The following PTPN9 variants were observed in gnomAD, a reference collection of about 807,000 sequenced individuals.
PTPN9 encodes tyrosine-protein phosphatase non-receptor type 9.
In PTPN9, 26 loss-of-function variants were observed where a neutral mutation model predicts 69.8. That is an observed-to-expected ratio of 0.37 (90% confidence interval 0.27 to 0.52). The LOEUF (loss-of-function observed/expected upper bound fraction) is 0.52. PTPN9 is among the 20% of genes least tolerant of loss of function. The pLI, the probability that PTPN9 is intolerant of heterozygous loss-of-function variation, is 0.91. For synonymous variants in PTPN9, 274 were observed against 272.5 expected (o/e 1.01, Z -0.05); for missense variants, 549 against 740.3 (o/e 0.74, Z 3.00).
At chr15:75,509,959 G>C (rs1159911083) in intron 5 of PTPN9, among the ~76,000 whole-genome samples, 3 of 152,126 alleles carry the variant, frequency 2.0e-5, no homozygotes, top group Non-Finnish European at 4.4e-5. Flanking sequence ...ACTCCAGCCT[G>C]GGCGACAAGA....
intron 1 of PTPN9, among the ~76,000 whole-genome samples, chr15:75,541,841 A>G (rs1041855827): frequency 6.6e-6 from 1 of 151,574 alleles, no homozygotes; most frequent in African/African-American, 2.4e-5. Flanking sequence ...TGAGATTGAG[A>G]CCATCCTGGA....
At chr15:75,532,075 A>G (rs1382051837) in intron 1 of PTPN9, among the ~76,000 whole-genome samples, 1 of 152,068 alleles carries the variant, frequency 6.6e-6, no homozygotes, top group African/African-American at 2.4e-5. Flanking sequence ...GGTGATATGA[A>G]CTCATCACAT....
chr15:75,574,056 C>T (rs954935557), intron 1 of PTPN9, among the ~76,000 whole-genome samples: 1 of 152,078 alleles, frequency 6.6e-6, no homozygotes, highest in African/African-American at 2.4e-5. Flanking sequence ...GTGCATGGAG[C>T]AGAGACAAGT....
chr15:75,504,845 G>T (rs2074808276), intron 7 of PTPN9, among the ~76,000 whole-genome samples: 1 of 126,176 alleles, frequency 7.9e-6, no homozygotes, highest in Non-Finnish European at 1.6e-5. Context: ...CCGGGAGGGA[G>T]GTGGGGGGGT....
intron 1 of PTPN9, among the ~76,000 whole-genome samples, chr15:75,538,570 G>A (rs548528327): frequency 1.3e-5 from 2 of 152,024 alleles, no homozygotes; most frequent in South Asian, 2.1e-4. Context: ...GATGGCACAC[G>A]CCTACAGTCC....
intron 1 of PTPN9, among the ~76,000 whole-genome samples, chr15:75,550,132 A>G (rs2075050926): frequency 1.3e-5 from 2 of 152,008 alleles, no homozygotes; most frequent in Non-Finnish European, 2.9e-5. Context: ...GACAATCCTG[A>G]GAACTCCAAG....
At position 75,578,835 on chromosome 15, in the gene PTPN9, G is replaced by T; in HGVS notation, c.-59C>A. 1.8e-6 allele frequency: 2 copies of T among 1,126,324 alleles called. No individual in the cohort carries two copies. The highest frequency in any genetic ancestry group is 8.7e-5 in the South Asian group (2 of 23,022). The allele number at this position is 1,126,324 out of a possible 1,614,324, so 69.8% of individuals were successfully genotyped here. The stretch of plus-strand genomic sequence containing the variant: ...GCTCGCGAGCGCGGGAGCCCGGCGC[G>T]CTCGGCCTCCGCTTCCGCGTCCCCG... On this transcript the variant is annotated 5_prime_UTR_variant, in exon 1 of 13. Transcript: ENST00000618819.
intron 1 of PTPN9, among the ~76,000 whole-genome samples, chr15:75,562,705 G>A (rs1379512841): frequency 4.0e-5 from 6 of 148,730 alleles, no homozygotes; most frequent in South Asian, 2.1e-4. Flanking sequence ...GGTGGCGGGC[G>A]CCCGTAGTCC....
At chr15:75,576,536 G>A (rs886877007) in intron 1 of PTPN9, among the ~76,000 whole-genome samples, 6 of 151,444 alleles carry the variant, frequency 4.0e-5, no homozygotes, top group South Asian at 4.2e-4. Context: ...CCGGCCAGGC[G>A]CAGTAACTCA....
intron 1 of PTPN9, among the ~76,000 whole-genome samples, chr15:75,571,747 G>A (rs1249715483): frequency 1.3e-5 from 2 of 151,764 alleles, no homozygotes; most frequent in African/African-American, 4.8e-5. Flanking sequence ...TATAAAAATT[G>A]GCCAGGCATG....
chr15:75,509,052 T>C (rs746069270), intron 5 of PTPN9, 25 bp from the exon 6 acceptor site: 1 of 1,581,294 alleles, frequency 6.3e-7, no homozygotes, highest in Non-Finnish European at 8.7e-7. Context: ...CATGAGGATT[T>C]AAGTGTAATG....
At chr15:75,532,048 A>G (rs1192717547) in intron 1 of PTPN9, among the ~76,000 whole-genome samples, 2 of 152,200 alleles carry the variant, frequency 1.3e-5, no homozygotes, top group African/African-American at 4.8e-5. Flanking sequence ...AGAAGTGGAA[A>G]ATGTAAATGA....
At chr15:75,527,874 G>GAAA (rs1000350227) in intron 1 of PTPN9, among the ~76,000 whole-genome samples, 1 of 149,990 alleles carries the variant, frequency 6.7e-6, no homozygotes, top group Non-Finnish European at 1.5e-5. Context: ...AAGAAAGAAA[G>GAAA]AAAAAAAAAG....
chr15:75,509,004 C>T lies in PTPN9; in HGVS notation c.552G>A (p.Lys184=), dbSNP rs555998624. The T allele has an allele frequency of 1.2e-6, 2 of 1,614,132 alleles. No individual in the cohort carries two copies. The highest frequency in any genetic ancestry group is 2.2e-5 in the South Asian group (2 of 91,072). The change falls in exon 6 of 13, where the codon AAG becomes AAA. Residue 184 remains lysine, a synonymous_variant. Transcript: ENST00000618819. ...LLKGAFPARL[K]KVLIVGAPIW... Reference sequence around the variant, plus strand: ...TGGGTGCCCCCACAATCAGCACCTTCTTCAAACGAGCTGGAAATGCTCCCT... The same window carrying T: ...TGGGTGCCCCCACAATCAGCACCTTTTTCAAACGAGCTGGAAATGCTCCCT...
intron 1 of PTPN9, among the ~76,000 whole-genome samples, chr15:75,556,668 C>A (rs28783769): frequency 0.34 from 52,085 of 152,062 alleles, 10,220 homozygotes; most frequent in African/African-American, 0.53. Context: ...TGAGCCACCA[C>A]ACCTGGCCGC....
chr15:75,503,426 GC>G (rs2074786479), intron 7 of PTPN9, among the ~76,000 whole-genome samples: 1 of 145,456 alleles, frequency 6.9e-6, no homozygotes, highest in Non-Finnish European at 1.5e-5. Flanking sequence ...GAAGTGAGGA[GC>G]CCCTCCGCCC....
At chr15:75,508,060 A>AAAAAG (rs1567492342) in intron 6 of PTPN9, among the ~76,000 whole-genome samples, 2 of 151,310 alleles carry the variant, frequency 1.3e-5, no homozygotes, top group South Asian at 2.1e-4. Flanking sequence ...AAAAAAAAAA[A>AAAAAG]AAAAGAAAAG....
rs1247300943 is a variant in PTPN9 at position 75,479,872 on chromosome 15, T to A, written c.1105A>T (p.Lys369Ter). ...CCTTGTGTGCCAATGTAAGCATTCT[T>A]CTGCTTGTAGCCATCCATGAAACTG... ...NASFMDGYKQ[K>*]NAYIGTQGPL... is the part of the protein sequence containing the mutation. The change falls in exon 9 of 13, where the codon AAG (lysine) becomes TAG (stop). Residue 369 changes from lysine (K) to a stop codon, truncating the protein, a stop_gained. Transcript: ENST00000618819. LOFTEE classifies it high-confidence loss of function. 3 of 1,611,310 alleles carry A rather than the reference T, an allele frequency of 1.9e-6. No individual in the cohort carries two copies. Among genetic ancestry groups the A allele is most frequent in the Non-Finnish European group, 2.5e-6 (3 of 1,178,810 alleles).
chr15:75,535,378 A>G (rs1201974936), intron 1 of PTPN9, among the ~76,000 whole-genome samples: 1 of 152,168 alleles, frequency 6.6e-6, no homozygotes, highest in Non-Finnish European at 1.5e-5. Context: ...GGCCAGAAGT[A>G]TTTAGACTTC....
Sources: allele counts gnomAD v4.1 joint callset (sites outside exome capture counted in the v4.1 genomes callset), GRCh38; gene constraint gnomAD v4.1.1; transcripts MANE v1.5; gene names NCBI Gene and HGNC (gene_info 2026-07-23, HGNC 2026-07-21).